The following PTX3 variants were observed in gnomAD, a reference collection of about 807,000 sequenced individuals.
PTX3 encodes the protein pentraxin-related protein PTX3.
Under a neutral mutation model 23.5 loss-of-function variants are expected in PTX3, and 24 were observed. The ratio of observed to expected loss-of-function variants is 1.02; its 90% CI spans 0.74 to 1.43. The LOEUF (loss-of-function observed/expected upper bound fraction) is 1.43, where lower values mean the gene tolerates loss of function less well. Ranked by LOEUF, PTX3 falls within the 40% of genes most tolerant of loss-of-function variation. The pLI is 0.00. For missense variants in PTX3, 510 were observed against 497.5 expected (o/e 1.02, Z -0.24); for synonymous variants, 218 against 205.4 (o/e 1.06, Z -0.53).
Position 157,442,563 on chromosome 3 carries a change from T to C in PTX3, c.730T>C (p.Ser244Pro), listed in dbSNP as rs1734209861. ...AATCCAGCTGTATCTCAGCTACCAATCCATAGTGTTTGTGGTGGGTGGAGA... is the reference window on the plus strand; with the variant it reads ...AATCCAGCTGTATCTCAGCTACCAACCCATAGTGTTTGTGGTGGGTGGAGA... ...YEIQLYLSYQSIVFVVGGEEN... is the reference protein window; with the variant it reads ...YEIQLYLSYQPIVFVVGGEEN... The change falls in exon 3 of 3, where the codon TCC becomes CCC. Residue 244 changes from serine to proline, a missense_variant. Coordinates refer to ENST00000295927, the MANE Select transcript of PTX3 (RefSeq NM_002852.4). The C allele has an allele frequency of 6.2e-7, 1 of 1,614,048 alleles. No individual in the cohort carries two copies. The highest frequency in any genetic ancestry group is 1.3e-5 in the African/African-American group (1 of 74,920).
Position 157,437,629 on chromosome 3 carries a change from G to C in PTX3, c.247G>C (p.Gly83Arg). The part of the protein sequence containing the change: ...LLQATDDVLR[G>R]ELQRLREELG... ...GCAAGCCACGGACGACGTCCTGCGG[G>C]GCGAGCTGCAGAGGCTGCGGGAGGA... is the stretch of plus-strand genomic sequence containing the variant. The change falls in exon 2 of 3, where the codon GGC (glycine) becomes CGC (arginine). Residue 83 changes from glycine (G) to arginine (R), a missense_variant. By Grantham distance (125) the Gly-to-Arg change is moderately radical (BLOSUM62 -2). Transcript: ENST00000295927. 3 of 1,556,652 alleles carry C rather than the reference G, an allele frequency of 1.9e-6. No homozygotes were observed. The highest frequency in any genetic ancestry group is 1.7e-6 in the Non-Finnish European group (2 of 1,153,006).
At chr3:157,439,262 T>C (rs1004045664) in intron 2 of PTX3, among the ~76,000 whole-genome samples, 3 of 152,236 alleles carry the variant, frequency 2.0e-5, no homozygotes, top group Admixed American at 1.3e-4. Flanking sequence ...CTCTATTTTT[T>C]ATCTTCATCT....
chr3:157,437,469 C>G (rs1037059134), intron 1 of PTX3, 44 bp from the exon 2 acceptor site: 9 of 1,571,138 alleles, frequency 5.7e-6, no homozygotes, highest in Non-Finnish European at 7.8e-6. Context: ...ACATCCAAGG[C>G]AGGCCTGGGC....
chr3:157,439,606 C>G (rs767829983), intron 2 of PTX3, among the ~76,000 whole-genome samples: 2 of 152,160 alleles, frequency 1.3e-5, no homozygotes, highest in African/African-American at 4.8e-5. Flanking sequence ...AGTCCATGAA[C>G]TTATATAGCC....
At chr3:157,442,245 G>A in intron 2 of PTX3, 121 bp from the exon 3 acceptor site, 2 of 924,304 alleles carry the variant, frequency 2.2e-6, no homozygotes, top group Non-Finnish European at 3.1e-6. Flanking sequence ...TCGTAATGTA[G>A]GGTTTCACAT....
chr3:157,439,315 C>G, intron 2 of PTX3, among the ~76,000 whole-genome samples: 1 of 152,192 alleles, frequency 6.6e-6, no homozygotes, highest in East Asian at 1.9e-4. Flanking sequence ...TTTCTGAATT[C>G]TAAGATGTTA....
intron 2 of PTX3, among the ~76,000 whole-genome samples, chr3:157,441,529 G>C (rs1225080129): frequency 6.6e-6 from 1 of 152,078 alleles, no homozygotes; most frequent in African/African-American, 2.4e-5. Flanking sequence ...TATTCTGCAG[G>C]CCAGGTGTGG....
chr3:157,441,352 G>C (rs567376720), intron 2 of PTX3, among the ~76,000 whole-genome samples: 1 of 152,244 alleles, frequency 6.6e-6, no homozygotes, highest in South Asian at 2.1e-4. Context: ...CTTATGGTTG[G>C]CATAAGGATT....
chr3:157,437,479 C>T, intron 1 of PTX3, 34 bp from the exon 2 acceptor site: 1 of 1,581,190 alleles, frequency 6.3e-7, no homozygotes, highest in East Asian at 2.3e-5. Flanking sequence ...CAGGCCTGGG[C>T]GGGCTGCTAA....
At chr3:157,438,067 A>T (rs536595182) in intron 2 of PTX3, among the ~76,000 whole-genome samples, 153 bp downstream of exon 2, 2 of 150,806 alleles carry the variant, frequency 1.3e-5, no homozygotes. Flanking sequence ...ACACACACAC[A>T]CACACCCCTA....
At chr3:157,442,321 A>C in intron 2 of PTX3, 45 bp from the exon 3 acceptor site, 4 of 1,434,834 alleles carry the variant, frequency 2.8e-6, no homozygotes, top group Non-Finnish European at 3.8e-6. Context: ...TTCTGAATTA[A>C]TTTATATTTT....
intron 2 of PTX3, among the ~76,000 whole-genome samples, chr3:157,438,906 C>T (rs1733895985): frequency 6.6e-6 from 1 of 152,150 alleles, no homozygotes; most frequent in Non-Finnish European, 1.5e-5. Flanking sequence ...TTGCACTTTT[C>T]CTGAGAATCC....
At position 157,437,629 on chromosome 3, in the gene PTX3, G is replaced by A. The variant is rs906109056; in HGVS notation, c.247G>A (p.Gly83Ser). 1.9e-6 allele frequency: 3 copies of A among 1,556,534 alleles called. No homozygotes were observed. Among genetic ancestry groups the A allele is most frequent in the African/African-American group, 1.4e-5 (1 of 73,418 alleles). The change falls in exon 2 of 3, where the codon GGC (glycine) becomes AGC (serine). Residue 83 changes from glycine to serine, a missense_variant. Gly to Ser is a moderately conservative substitution (Grantham distance 56). Coordinates refer to ENST00000295927, the MANE Select transcript of PTX3 (RefSeq NM_002852.4). ...LLQATDDVLR[G>S]ELQRLREELG... ...GCAAGCCACGGACGACGTCCTGCGG[G>A]GCGAGCTGCAGAGGCTGCGGGAGGA... is the stretch of plus-strand genomic sequence containing the variant.
chr3:157,442,380 A>C lies in PTX3; in HGVS notation c.547A>C (p.Ile183Leu). 1 of 1,610,252 alleles carries C rather than the reference A, an allele frequency of 6.2e-7. No homozygotes were observed. The highest frequency in any genetic ancestry group is 8.5e-7 in the Non-Finnish European group (1 of 1,176,592). ...SWLPAGCETA[I>L]LFPMRSKKIF... ...TGCTACTCTAGGTTGTGAAACAGCT[A>C]TTTTATTCCCAATGCGTTCCAAGAA... The change falls in exon 3 of 3, where the codon ATT becomes CTT. Residue 183 changes from isoleucine to leucine, a missense_variant. Physicochemically the swap from Ile to Leu is conservative, Grantham distance 5 (BLOSUM62 2). Transcript: ENST00000295927.
In PTX3 at chr3:157,436,968, G is replaced by T. The variant is rs753427080; in HGVS notation, c.35G>T (p.Trp12Leu). 6 of 1,613,864 alleles carry T rather than the reference G, an allele frequency of 3.7e-6. No individual in the cohort carries two copies. In the African/African-American group the frequency reaches 5.3e-5, roughly 14 times the overall value. Reference sequence around the variant, plus strand: ...CTTGCGATTCTGTTTTGTGCTCTCTGGTCTGCAGTGTTGGCCGAGAACTCG... The same window carrying T: ...CTTGCGATTCTGTTTTGTGCTCTCTTGTCTGCAGTGTTGGCCGAGAACTCG... ...HLLAILFCAL[W>L]SAVLAENSDD... Residue 12 changes from tryptophan (W) to leucine (L), a missense_variant, in exon 1 of 3, where the codon TGG becomes TTG. Coordinates refer to ENST00000295927, the MANE Select transcript of PTX3 (RefSeq NM_002852.4).
rs950097493 is a variant in PTX3 at position 157,437,803 on chromosome 3, C to A, written c.421C>A (p.Arg141Ser). ...LARMEGAEAQ[R>S]PEEAGRALAA... ...GCGTATGGAGGGCGCGGAGGCGCAG[C>A]GCCCAGAGGAGGCGGGGCGCGCCCT... The change falls in exon 2 of 3, where the codon CGC becomes AGC. Residue 141 changes from arginine (R) to serine (S), a missense_variant. Arg to Ser is a moderately radical substitution (Grantham distance 110). Transcript: ENST00000295927. The A allele has an allele frequency of 2.1e-6, 3 of 1,453,664 alleles. No homozygotes were observed. Among genetic ancestry groups the A allele is most frequent in the Non-Finnish European group, 2.7e-6 (3 of 1,118,034 alleles). 90.0% of individuals were successfully genotyped at this position (1,453,664 alleles called of 1,614,324 possible).
intron 2 of PTX3, among the ~76,000 whole-genome samples, chr3:157,440,563 T>A (rs933915580): frequency 6.6e-6 from 1 of 152,024 alleles, no homozygotes; most frequent in African/African-American, 2.4e-5. Flanking sequence ...TAGGTGTTTT[T>A]AAAAAAATAC....
Position 157,437,757 on chromosome 3 carries a change from C to T in PTX3, c.375C>T (p.Arg125=). The T allele has an allele frequency of 6.7e-7, 1 of 1,487,678 alleles. No homozygotes were observed. Among genetic ancestry groups the T allele is most frequent in the Non-Finnish European group, 8.9e-7 (1 of 1,129,130 alleles). 92.2% of individuals were successfully genotyped at this position (1,487,678 alleles called of 1,614,324 possible). ...SALDELLQAT[R]DAGRRLARME... is the part of the protein sequence containing the mutation. ...TGGACGAGCTGCTGCAGGCGACCCG[C>T]GACGCGGGCCGCAGGCTGGCGCGTA... Residue 125 remains arginine (R), a synonymous_variant, in exon 2 of 3, where the codon CGC becomes CGT. Coordinates refer to ENST00000295927, the MANE Select transcript of PTX3 (RefSeq NM_002852.4).
chr3:157,436,996 T>C lies in PTX3; in HGVS notation c.63T>C (p.Asp21=). 1.2e-6 allele frequency: 2 copies of C among 1,614,090 alleles called. No homozygotes were observed. Among genetic ancestry groups the C allele is most frequent in the South Asian group, 2.2e-5 (2 of 91,090 alleles). Residue 21 remains aspartate (D), a synonymous_variant, in exon 1 of 3, where the codon GAT becomes GAC. Transcript: ENST00000295927. ...CTGCAGTGTTGGCCGAGAACTCGGATGATTATGATCTCATGTATGTGAATT... is the reference window on the plus strand; with the variant it reads ...CTGCAGTGTTGGCCGAGAACTCGGACGATTATGATCTCATGTATGTGAATT... The part of the protein sequence containing the change: ...LWSAVLAENS[D]DYDLMYVNLD...
Sources: gnomAD v4.1 joint callset for allele counts (sites outside exome capture counted in the v4.1 genomes callset) on GRCh38, gnomAD v4.1.1 for gene constraint, MANE v1.5 for transcripts, NCBI Gene and HGNC (gene_info 2026-07-23, HGNC 2026-07-21) for gene names.